Variants in TFG observed in about 807,000 individuals in gnomAD.
TFG encodes the protein protein TFG.
TFG carries 22 observed loss-of-function variants against 51.4 expected under a neutral mutation model. The observed-to-expected ratio is 0.43, with a 90% CI of 0.31 to 0.61. The LOEUF is 0.61. Among genes scored for constraint, TFG ranks in the 20% least tolerant of loss-of-function variants. The pLI is 0.12. For missense variants in TFG, 419 were observed against 487.7 expected, an observed-to-expected ratio of 0.86 and a Z score of 1.33; for synonymous variants, 187 against 165.6, an observed-to-expected ratio of 1.13 and a Z score of -0.99.
intron 6 of TFG, among the ~76,000 whole-genome samples, chr3:100,737,233 CTT>C (rs1167606784): frequency 6.6e-6 from 1 of 152,148 alleles, no homozygotes; most frequent in Non-Finnish European, 1.5e-5. Flanking sequence ...TTAAGTCAGA[CTT>C]TTTCTTCTGA....
At chr3:100,711,485 AT>A (rs970621706) in intron 1 of TFG, among the ~76,000 whole-genome samples, 10 of 152,266 alleles carry the variant, frequency 6.6e-5, no homozygotes, top group African/African-American at 2.2e-4. Context: ...CAAAGCTGGA[AT>A]TTTTTTCTTA....
intron 5 of TFG, among the ~76,000 whole-genome samples, chr3:100,735,103 G>A (rs2095102938): frequency 6.6e-6 from 1 of 152,122 alleles, no homozygotes; most frequent in Non-Finnish European, 1.5e-5. Flanking sequence ...TGTCTTTTGT[G>A]GGAAGAATGT....
intron 3 of TFG, among the ~76,000 whole-genome samples, chr3:100,720,684 G>C (rs1382019609): frequency 1.3e-5 from 2 of 152,238 alleles, no homozygotes; most frequent in Non-Finnish European, 2.9e-5. Context: ...GAGTAGCACT[G>C]GGTTGGGGAC....
At chr3:100,713,062 C>T (rs566224935) in intron 1 of TFG, among the ~76,000 whole-genome samples, 1 of 152,306 alleles carries the variant, frequency 6.6e-6, no homozygotes, top group Admixed American at 6.5e-5. Flanking sequence ...TTTTACTTAA[C>T]AGTGTTAACT....
Position 100,728,781 on chromosome 3 carries a change from G to T in TFG, c.338G>T (p.Arg113Leu). 1 of 1,613,020 alleles carries T rather than the reference G, an allele frequency of 6.2e-7. No individual in the cohort carries two copies. The highest frequency in any genetic ancestry group is 2.2e-5 in the East Asian group (1 of 44,750). Reference protein sequence around the residue: ...KYLRRELIELRNKVNRLLDSL... With the variant: ...KYLRRELIELLNKVNRLLDSL... Reference sequence around the variant, plus strand: ...CTCCGTCGAGAACTGATAGAACTTCGAAATAAAGTGAATCGTTTATTGGAT... The same window carrying T: ...CTCCGTCGAGAACTGATAGAACTTCTAAATAAAGTGAATCGTTTATTGGAT... Residue 113 changes from arginine (R) to leucine (L), a missense_variant, in exon 4 of 8, where the codon CGA becomes CTA. Physicochemically the swap from Arg to Leu is moderately radical, Grantham distance 102. This residue lies in a region of TFG where 391 missense variants were observed against 434.4 expected (regional missense o/e 0.90). Coordinates refer to ENST00000240851, the MANE Select transcript of TFG (RefSeq NM_006070.6).
rs919127083 is a variant in TFG at position 100,734,176 on chromosome 3, AT to A, written c.580+1513del. Among the ~76,000 whole-genome samples, 317 of 150,232 alleles carry A rather than the reference AT, an allele frequency of 2.1e-3. 1 individual carries two copies. The highest frequency in any genetic ancestry group is 4.9e-3 in the African/African-American group (197 of 40,330). ...CTTCATGGCCTTATCAGAGTTTTTA[AT>A]TTTTTTTTAACATTAATGACTTCAT... On this transcript the variant is annotated intron_variant, in intron 5 of 7. Coordinates refer to ENST00000240851, the MANE Select transcript of TFG (RefSeq NM_006070.6).
intron 3 of TFG, among the ~76,000 whole-genome samples, chr3:100,726,299 T>C (rs957845372): frequency 6.6e-6 from 1 of 152,196 alleles, no homozygotes; most frequent in African/African-American, 2.4e-5. Context: ...TACCTTCTTC[T>C]GCCTGTTTTG....
intron 3 of TFG, 106 bp downstream of exon 3, chr3:100,720,164 T>C (rs1454126749): frequency 1.6e-6 from 1 of 618,850 alleles, no homozygotes; most frequent in East Asian, 3.1e-5. Flanking sequence ...CTTATTCAAA[T>C]ATTATTACAT....
At chr3:100,737,012 G>A (rs919090765) in intron 6 of TFG, among the ~76,000 whole-genome samples, 3 of 152,146 alleles carry the variant, frequency 2.0e-5, no homozygotes, top group African/African-American at 7.2e-5. Flanking sequence ...GTTCAGACTG[G>A]TGATTTCACA....
chr3:100,715,617 A>G (rs529671064), intron 2 of TFG, among the ~76,000 whole-genome samples: 10 of 152,358 alleles, frequency 6.6e-5, no homozygotes, highest in Middle Eastern at 3.4e-3. Context: ...AGAGTTGCCC[A>G]TGTTAAGAAA....
In TFG at chr3:100,713,733, A is replaced by G. The variant is rs780787806; in HGVS notation, c.48A>G (p.Gln16=). 1 of 1,611,308 alleles carries G rather than the reference A, an allele frequency of 6.2e-7. No homozygotes were observed. The highest frequency in any genetic ancestry group is 1.3e-5 in the African/African-American group (1 of 74,830). Residue 16 remains glutamine (Q), a synonymous_variant, in exon 2 of 8, where the codon CAA becomes CAG. Transcript: ENST00000240851. ...GTGGGAAGCTAATCATCAAAGCTCA[A>G]CTTGGGGAGGATATTCGGCGAATTC... The part of the protein sequence containing the change: ...DLSGKLIIKA[Q]LGEDIRRIPI...
rs577918435 is a variant in TFG at position 100,738,325 on chromosome 3, G to C, written c.721+1609G>C. Among the ~76,000 whole-genome samples, 4 of 152,324 alleles carry C rather than the reference G, an allele frequency of 2.6e-5. No individual in the cohort carries two copies. The South Asian group carries it at 8.3e-4, about 32-fold the overall frequency. On this transcript the variant is annotated intron_variant, in intron 6 of 7. Coordinates refer to ENST00000240851, the MANE Select transcript of TFG (RefSeq NM_006070.6). ...CAAAAGCAGAGTATAGGTATGATGA[G>C]AGTTTAATGCCTACATCAAGCGAAC...
At chr3:100,721,175 GA>G (rs958562171) in intron 3 of TFG, among the ~76,000 whole-genome samples, 1 of 152,192 alleles carries the variant, frequency 6.6e-6, no homozygotes, top group African/African-American at 2.4e-5. Context: ...TAGATAATCT[GA>G]AGACCCTTAC....
chr3:100,731,736 T>G (rs959709735), intron 4 of TFG, among the ~76,000 whole-genome samples: 3 of 152,032 alleles, frequency 2.0e-5, no homozygotes, highest in South Asian at 4.1e-4. Flanking sequence ...TTTGTATTTT[T>G]GGTAGAGATT....
intron 6 of TFG, chr3:100,743,618 A>G (rs955270709): frequency 3.9e-5 from 6 of 152,112 alleles, no homozygotes; most frequent in African/African-American, 1.4e-4. Context: ...ATAAAGAAAC[A>G]TTTGCTAGGA....
At chr3:100,711,828 T>A (rs2095032167) in intron 1 of TFG, among the ~76,000 whole-genome samples, 5 of 152,138 alleles carry the variant, frequency 3.3e-5, no homozygotes, top group Admixed American at 2.6e-4. Flanking sequence ...ATTTACCATC[T>A]TGGTGAAGTA....
rs780219953 is a variant in TFG at position 100,728,838 on chromosome 3, C to A, written c.395C>A (p.Ser132Tyr). 1.5e-5 allele frequency: 24 copies of A among 1,604,780 alleles called. No homozygotes were observed. The Admixed American group carries it at 3.3e-4, about 22-fold the overall frequency. ...GAACCACCTGGAGAACCAGGACCTT[C>A]CACCAATATTCCTGAAAATGGTAAA... Reference protein sequence around the residue: ...SLEPPGEPGPSTNIPENDTVD... With the variant: ...SLEPPGEPGPYTNIPENDTVD... Residue 132 changes from serine to tyrosine, a missense_variant, in exon 4 of 8, where the codon TCC becomes TAC. Around this residue, in one of 3 missense-constraint regions of TFG, gnomAD observed 391 missense variants for 434.4 expected, o/e 0.90. Transcript: ENST00000240851.
chr3:100,718,684 A>C (rs943088467), intron 2 of TFG, among the ~76,000 whole-genome samples: 4 of 150,798 alleles, frequency 2.7e-5, no homozygotes, highest in Non-Finnish European at 5.9e-5. Flanking sequence ...CGGCCTCCCA[A>C]GTAGCTGGAA....
chr3:100,727,693 G>A (rs2095079742), intron 3 of TFG, among the ~76,000 whole-genome samples: 1 of 152,038 alleles, frequency 6.6e-6, no homozygotes, highest in Non-Finnish European at 1.5e-5. Flanking sequence ...GTGAAGTAAT[G>A]TTGCTTTCAT....
Sources: allele counts gnomAD v4.1 joint callset (sites outside exome capture counted in the v4.1 genomes callset), GRCh38; gene constraint gnomAD v4.1.1; regional missense constraint gnomAD v4.1.1; transcripts MANE v1.5; gene names NCBI Gene and HGNC (gene_info 2026-07-23, HGNC 2026-07-21).